BPIFC: variants seen among roughly 807,000 people sequenced by gnomAD.
The protein encoded by BPIFC is BPI fold-containing family C protein.
In BPIFC, 60 loss-of-function variants were observed where a neutral mutation model predicts 57.6. The ratio of observed to expected loss-of-function variants is 1.04; its 90% CI spans 0.85 to 1.29. BPIFC has a LOEUF of 1.29. Among genes scored for constraint, BPIFC ranks in the 50% most tolerant of loss-of-function variants. The pLI, the probability that BPIFC is intolerant of heterozygous loss-of-function variation, is 0.00. For missense variants in BPIFC, 581 were observed against 600.5 expected, an observed-to-expected ratio of 0.97 and a Z score of 0.34; for synonymous variants, 243 against 224.5, an observed-to-expected ratio of 1.08 and a Z score of -0.74.
At chr22:32,457,531 ATCCATCCATCCATCCAACCATCCATCCG>A in intron 2 of BPIFC, 145 bp from the exon 3 acceptor site, 1 of 839,568 alleles carries the variant, frequency 1.2e-6, no homozygotes, top group Admixed American at 3.1e-5. Context: ...TCATCCATCC[ATCCATCCATCCATCCAACCATCCATCCG>A]TCCATCCATC....
rs535592103 is a variant in BPIFC at position 32,432,357 on chromosome 22, G to A, written c.1149+16C>T. ...ATTGGCATCTACAGGCTGCTCCACT[G>A]TCTCCCCAGACTTACGAAGTCCATG... On this transcript the variant is annotated intron_variant, in intron 12 of 16. Transcript: ENST00000300399. 62 of 1,613,356 alleles carry A rather than the reference G, an allele frequency of 3.8e-5. No individual in the cohort carries two copies. In the Middle Eastern group the frequency reaches 1.2e-3, roughly 32 times the overall value.
intron 10 of BPIFC, among the ~76,000 whole-genome samples, chr22:32,435,249 T>G (rs1934357371): frequency 6.6e-6 from 1 of 151,974 alleles, no homozygotes; most frequent in Admixed American, 6.6e-5. Context: ...AGAACAGTGG[T>G]GAGTGGTGAG....
At chr22:32,437,969 CT>C in intron 8 of BPIFC, 118 bp from the exon 9 acceptor site, 1 of 591,026 alleles carries the variant, frequency 1.7e-6, no homozygotes. Flanking sequence ...AGATCAATTC[CT>C]GCTTTTCAGA....
intron 12 of BPIFC, 25 bp from the exon 13 acceptor site, chr22:32,431,439 A>ATTTATTTATTTTATTTATTTTTTTT: frequency 7.4e-7 from 1 of 1,343,078 alleles, no homozygotes; most frequent in Non-Finnish European, 1.1e-6. Context: ...AGCATTTATT[A>ATTTATTTATTTTATTTATTTTTTTT]TTAAGACGAG....
In BPIFC at chr22:32,437,728, C is replaced by T. The variant is rs1044880158; in HGVS notation, c.747+32G>A. The T allele has an allele frequency of 4.1e-6, 6 of 1,471,320 alleles. No individual in the cohort carries two copies. In the Admixed American group the frequency reaches 8.4e-5, roughly 21 times the overall value. 91.1% of individuals were successfully genotyped at this position (1,471,320 alleles called of 1,614,324 possible). ...TTTCTAAATATTGGCTGTTGACAGC[C>T]AGGCTGAGGATTCTGATGATGATAA... On this transcript the variant is annotated intron_variant, in intron 9 of 16. Coordinates refer to ENST00000300399, the MANE Select transcript of BPIFC (RefSeq NM_174932.3).
intron 13 of BPIFC, among the ~76,000 whole-genome samples, chr22:32,424,612 C>T (rs568695018): frequency 0.018 from 750 of 41,402 alleles, 109 homozygotes; most frequent in African/African-American, 0.066. Flanking sequence ...TCCTCCTCCT[C>T]CTCCTCCTCC....
At chr22:32,432,246 T>A in intron 12 of BPIFC, 127 bp downstream of exon 12, 1 of 1,034,558 alleles carries the variant, frequency 9.7e-7, no homozygotes, top group Non-Finnish European at 1.4e-6. Context: ...ACGTCCAGCC[T>A]CCATCCTCAC....
rs540660322 is a variant in BPIFC at position 32,431,779 on chromosome 22, TG to T, written c.1150-366del. The stretch of plus-strand genomic sequence containing the variant: ...AAGTAAAAATGAATTCTACCTTGAT[TG>T]ACTTATTTAGATTAAAAAAAAAGAG... On this transcript the variant is annotated intron_variant, in intron 12 of 16. Coordinates refer to ENST00000300399, the MANE Select transcript of BPIFC (RefSeq NM_174932.3). Among the ~76,000 whole-genome samples the T allele has an allele frequency of 5.0e-4, 76 of 152,260 alleles. No individual in the cohort carries two copies. The Middle Eastern group carries it at 0.014, about 27-fold the overall frequency.
chr22:32,436,351 AG>A (rs2145935696), intron 9 of BPIFC, among the ~76,000 whole-genome samples: 1 of 91,548 alleles, frequency 1.1e-5, no homozygotes, highest in East Asian at 4.6e-4. Context: ...GAGGAAGAGG[AG>A]GAGGAGGAGG....
At chr22:32,418,871 C>T (rs1466623829) in intron 14 of BPIFC, among the ~76,000 whole-genome samples, 1 of 152,008 alleles carries the variant, frequency 6.6e-6, no homozygotes, top group Non-Finnish European at 1.5e-5. Context: ...TATCATCTTC[C>T]AATCAGAAAG....
chr22:32,452,862 G>A (rs1182542250), intron 4 of BPIFC, among the ~76,000 whole-genome samples: 2 of 152,156 alleles, frequency 1.3e-5, no homozygotes, highest in African/African-American at 4.8e-5. Flanking sequence ...GATGGACAAA[G>A]CTATCCTCTC....
chr22:32,414,101 C>T lies in BPIFC; in HGVS notation c.*202G>A. 8.2e-6 allele frequency: 4 copies of T among 486,586 alleles called. No individual in the cohort carries two copies. The highest frequency in any genetic ancestry group is 4.1e-5 in the East Asian group (1 of 24,150). 30.1% of individuals were successfully genotyped at this position (486,586 alleles called of 1,614,324 possible). On this transcript the variant is annotated 3_prime_UTR_variant, in exon 17 of 17. Transcript: ENST00000300399. The stretch of plus-strand genomic sequence containing the variant: ...CACAGACACACGCAGCATGCATACA[C>T]TCACATTCAGACACCTCTATTTATC...
intron 3 of BPIFC, among the ~76,000 whole-genome samples, chr22:32,454,512 C>T (rs1477475836): frequency 6.6e-6 from 1 of 152,172 alleles, no homozygotes; most frequent in Non-Finnish European, 1.5e-5. Context: ...TCTCTGAGCT[C>T]ATTGGGGAAA....
chr22:32,437,404 T>A (rs1290431840), intron 9 of BPIFC, among the ~76,000 whole-genome samples: 1 of 152,226 alleles, frequency 6.6e-6, no homozygotes, highest in African/African-American at 2.4e-5. Flanking sequence ...TTGTTTTGTT[T>A]TTTTGAGATA....
intron 13 of BPIFC, among the ~76,000 whole-genome samples, chr22:32,423,135 T>C (rs1933896458): frequency 6.6e-6 from 1 of 152,118 alleles, no homozygotes; most frequent in Non-Finnish European, 1.5e-5. Flanking sequence ...GCTTGAGAAG[T>C]AGGACCAGTG....
intron 7 of BPIFC, among the ~76,000 whole-genome samples, 171 bp downstream of exon 7, chr22:32,445,464 G>A (rs1395856586): frequency 2.0e-5 from 3 of 152,086 alleles, no homozygotes; most frequent in African/African-American, 7.2e-5. Context: ...TTGAACCCAG[G>A]AGGCGGAGCT....
intron 12 of BPIFC, 130 bp downstream of exon 12, chr22:32,432,243 G>A (rs185320000): frequency 1.0e-5 from 10 of 1,001,276 alleles, no homozygotes; most frequent in South Asian, 1.8e-5. Context: ...ATCACGTCCA[G>A]CCTCCATCCT....
intron 8 of BPIFC, among the ~76,000 whole-genome samples, chr22:32,439,509 C>G (rs1934504947): frequency 1.3e-5 from 2 of 152,148 alleles, no homozygotes; most frequent in Non-Finnish European, 1.5e-5. Flanking sequence ...CATGTCTTCT[C>G]TTTTCTTGCA....
intron 14 of BPIFC, among the ~76,000 whole-genome samples, chr22:32,417,873 A>T (rs970288489): frequency 2.6e-5 from 4 of 151,822 alleles, no homozygotes; most frequent in African/African-American, 9.7e-5. Flanking sequence ...TTTTTTATTT[A>T]AAAATTTTTT....
Sources: gnomAD v4.1 joint callset for allele counts (sites outside exome capture counted in the v4.1 genomes callset) on GRCh38, gnomAD v4.1.1 for gene constraint, MANE v1.5 for transcripts, NCBI Gene and HGNC (gene_info 2026-07-23, HGNC 2026-07-21) for gene names.